TRAPPC9: variants seen among roughly 807,000 people sequenced by gnomAD.
The protein encoded by TRAPPC9 is trafficking protein particle complex subunit 9.
In TRAPPC9, 83 loss-of-function variants were observed where a neutral mutation model predicts 124.0. That is an observed-to-expected ratio of 0.67 (90% CI 0.56 to 0.80). The LOEUF (loss-of-function observed/expected upper bound fraction) is 0.80, where lower values mean the gene tolerates loss of function less well. TRAPPC9 is among the 30% of genes least tolerant of loss of function. TRAPPC9 has a pLI of 0.00. For synonymous variants in TRAPPC9, 638 were observed against 617.5 expected, an observed-to-expected ratio of 1.03 and a Z score of -0.49; for missense variants, 1,302 against 1,508.3, an observed-to-expected ratio of 0.86 and a Z score of 2.27.
At chr8:139,817,044 A>AT (rs1188551457) in intron 21 of TRAPPC9, among the ~76,000 whole-genome samples, 1 of 146,218 alleles carries the variant, frequency 6.8e-6, no homozygotes, top group Non-Finnish European at 1.5e-5. Flanking sequence ...AACATAAACT[A>AT]AACACACACA....
At chr8:140,047,448 A>G (rs1841682714) in intron 17 of TRAPPC9, among the ~76,000 whole-genome samples, 1 of 152,254 alleles carries the variant, frequency 6.6e-6, no homozygotes, top group South Asian at 2.1e-4. Flanking sequence ...GGCAGCCCAC[A>G]GGGTGAAAGG....
intron 17 of TRAPPC9, among the ~76,000 whole-genome samples, chr8:140,052,741 C>T (rs1046684676): frequency 6.6e-6 from 1 of 151,650 alleles, no homozygotes; most frequent in Non-Finnish European, 1.5e-5. Context: ...AAGATCGCAC[C>T]ACTGCACTCC....
chr8:140,197,819 G>C (rs1002407788), intron 17 of TRAPPC9, among the ~76,000 whole-genome samples: 1 of 152,184 alleles, frequency 6.6e-6, no homozygotes, highest in Non-Finnish European at 1.5e-5. Flanking sequence ...ACAAGGGCAG[G>C]GAAGGTGGTC....
At chr8:139,814,172 G>A (rs79555458) in intron 21 of TRAPPC9, among the ~76,000 whole-genome samples, 3,980 of 152,340 alleles carry the variant, frequency 0.026, 65 homozygotes, top group Non-Finnish European at 0.042. Context: ...CCTGTGCTCC[G>A]CGAGGCAGGC....
intron 17 of TRAPPC9, among the ~76,000 whole-genome samples, chr8:140,088,523 T>C (rs1315331629): frequency 6.6e-6 from 1 of 152,200 alleles, no homozygotes; most frequent in Non-Finnish European, 1.5e-5. Flanking sequence ...ATATAAATGC[T>C]ATAACCCTTA....
At chr8:140,446,958 C>G (rs536078529) in intron 2 of TRAPPC9, among the ~76,000 whole-genome samples, 44 of 152,320 alleles carry the variant, frequency 2.9e-4, no homozygotes, top group Admixed American at 1.3e-3. Context: ...CGCAGCTCCC[C>G]TGGCCACCAG....
chr8:140,446,642 C>T lies in TRAPPC9; in HGVS notation c.584+4148G>A, dbSNP rs148074636. 7.0e-3 allele frequency among the ~76,000 whole-genome samples: 1,059 copies of T among 152,248 alleles called. 14 individuals carry two copies. The highest frequency in any genetic ancestry group is 0.024 in the African/African-American group (1,009 of 41,546). ...GAGCTCGGCTCACTGCAACTTCTGC[C>T]TCCCAGATTCAAGTAATTCTCTTGC... On this transcript the variant is annotated intron_variant, in intron 2 of 22. Coordinates refer to ENST00000438773, the MANE Select transcript of TRAPPC9 (RefSeq NM_001160372.4).
chr8:140,014,562 G>T (rs1839341320), intron 18 of TRAPPC9, among the ~76,000 whole-genome samples: 1 of 152,064 alleles, frequency 6.6e-6, no homozygotes, highest in Admixed American at 6.6e-5. Flanking sequence ...AGAGCTAAGA[G>T]GCTCACTCTC....
At chr8:140,420,748 A>G (rs1322434083) in intron 5 of TRAPPC9, among the ~76,000 whole-genome samples, 1 of 152,196 alleles carries the variant, frequency 6.6e-6, no homozygotes. Context: ...TAACTTATAA[A>G]TAAGAGTATA....
chr8:140,271,274 G>C (rs2064870450), intron 15 of TRAPPC9, among the ~76,000 whole-genome samples: 1 of 152,084 alleles, frequency 6.6e-6, no homozygotes, highest in Non-Finnish European at 1.5e-5. Context: ...ATGAAATTAA[G>C]GTAGTATCAT....
chr8:139,943,095 C>A (rs1834010596), intron 19 of TRAPPC9, among the ~76,000 whole-genome samples: 1 of 152,210 alleles, frequency 6.6e-6, no homozygotes. Context: ...GAGACAGAGT[C>A]TCATTCTGCC....
intron 18 of TRAPPC9, among the ~76,000 whole-genome samples, chr8:140,018,324 A>ATTTTTTCTTTTTC (rs765656679): frequency 8.3e-6 from 1 of 119,778 alleles, no homozygotes; most frequent in Non-Finnish European, 1.7e-5. Context: ...AACGTAAGTG[A>ATTTTTTCTTTTTC]TTTTTTTTTT....
Position 139,732,109 on chromosome 8 carries a change from C to T in TRAPPC9, c.3149G>A (p.Arg1050Gln), listed in dbSNP as rs111768745. Residue 1050 changes from arginine (R) to glutamine (Q), a missense_variant, in exon 22 of 23, where the codon CGG becomes CAG. Physicochemically the swap from Arg to Gln is conservative, Grantham distance 43. Transcript: ENST00000438773. The stretch of plus-strand genomic sequence containing the variant: ...GAAGGGCCCTACGCTGCGCGGGCTC[C>T]GGTTGGTCAGCCGCACCTCCAGGCG... ...PVRLEVRLTN[R>Q]SPRSVGPFAL... 3,008 of 1,606,834 alleles carry T rather than the reference C, an allele frequency of 1.9e-3. 9 individuals carry two copies. Among genetic ancestry groups the T allele is most frequent in the Non-Finnish European group, 2.5e-3 (2,917 of 1,177,170 alleles).
At chr8:139,919,757 G>GC (rs1010139506) in intron 19 of TRAPPC9, among the ~76,000 whole-genome samples, 1 of 152,078 alleles carries the variant, frequency 6.6e-6, no homozygotes, top group Admixed American at 6.6e-5. Flanking sequence ...TCAACTTGGT[G>GC]CCCCCCATGC....
At position 140,235,505 on chromosome 8, in the gene TRAPPC9, A is replaced by G. The variant is rs139711284; in HGVS notation, c.2432-13922T>C. Reference sequence around the variant, plus strand: ...AAAATATTTTAATAGACACTTCACAAAAGTATATATCCAAATAATAAGTAT... The same window carrying G: ...AAAATATTTTAATAGACACTTCACAGAAGTATATATCCAAATAATAAGTAT... On this transcript the variant is annotated intron_variant, in intron 16 of 22. Coordinates refer to ENST00000438773, the MANE Select transcript of TRAPPC9 (RefSeq NM_001160372.4). Among the ~76,000 whole-genome samples, 10 of 152,382 alleles carry G rather than the reference A, an allele frequency of 6.6e-5. No individual in the cohort carries two copies. The East Asian group carries it at 1.9e-3, about 29-fold the overall frequency.
chr8:139,784,279 A>T (rs982667345), intron 21 of TRAPPC9, among the ~76,000 whole-genome samples: 2 of 152,220 alleles, frequency 1.3e-5, no homozygotes, highest in African/African-American at 4.8e-5. Context: ...TTAGGCTATA[A>T]GATCAACATA....
intron 18 of TRAPPC9, among the ~76,000 whole-genome samples, chr8:139,990,128 T>C (rs1175724028): frequency 6.6e-6 from 1 of 152,128 alleles, no homozygotes; most frequent in East Asian, 1.9e-4. Context: ...AATTCTCAAA[T>C]GTATTTCTCC....
chr8:139,889,694 C>T (rs374267422), intron 20 of TRAPPC9, among the ~76,000 whole-genome samples: 29 of 152,204 alleles, frequency 1.9e-4, no homozygotes, highest in African/African-American at 5.3e-4. Flanking sequence ...AGCAGAGCGA[C>T]GCTAAGGAAG....
intron 19 of TRAPPC9, among the ~76,000 whole-genome samples, chr8:139,978,371 G>A (rs1234941879): frequency 3.3e-5 from 5 of 152,172 alleles, no homozygotes; most frequent in South Asian, 2.1e-4. Flanking sequence ...TGAGACAACC[G>A]GAAATTTAAA....
Sources: gnomAD v4.1 joint callset for allele counts (sites outside exome capture counted in the v4.1 genomes callset) on GRCh38, gnomAD v4.1.1 for gene constraint, MANE v1.5 for transcripts, NCBI Gene and HGNC (gene_info 2026-07-23, HGNC 2026-07-21) for gene names.